SEMA5B: variants seen among roughly 807,000 people sequenced by gnomAD.
SEMA5B encodes the protein semaphorin 5B, also known as semaphorin-5B.
Under a neutral mutation model 135.0 loss-of-function variants are expected in SEMA5B, and 66 were observed. The observed-to-expected ratio is 0.49, with a 90% confidence interval of 0.40 to 0.60. The LOEUF is 0.60. Among genes scored for constraint, SEMA5B ranks in the 20% least tolerant of loss-of-function variants. The probability of loss-of-function intolerance (pLI) is 0.00; values close to 1 mark genes in which losing one functional copy is unlikely to be tolerated. For missense variants in SEMA5B, 1,501 were observed against 1,566.3 expected (o/e 0.96, Z 0.70); for synonymous variants, 690 against 639.5 (o/e 1.08, Z -1.19).
rs746670668 is a variant in SEMA5B at position 122,975,972 on chromosome 3, A to G, written c.-38-14671T>C. On this transcript the variant is annotated intron_variant, in intron 1 of 22. Transcript: ENST00000357599. ...CCTCCTCAACACATCCCAAATCTAGAAACTCTTCATGTCATGCACTTGCCC... is the reference window on the plus strand; with the variant it reads ...CCTCCTCAACACATCCCAAATCTAGGAACTCTTCATGTCATGCACTTGCCC... The G allele has an allele frequency of 1.4e-5, 21 of 1,532,004 alleles. No homozygotes were observed. In the African/African-American group the frequency reaches 2.8e-4, roughly 21 times the overall value. 94.9% of individuals were successfully genotyped at this position (1,532,004 alleles called of 1,614,324 possible). A position where few individuals can be genotyped will look rare whatever the true frequency, so the allele number is the denominator to read the frequency against.
At chr3:123,024,889 T>C (rs994002018) in intron 1 of SEMA5B, among the ~76,000 whole-genome samples, 3 of 152,220 alleles carry the variant, frequency 2.0e-5, no homozygotes, top group African/African-American at 7.2e-5. Context: ...CAATTGTCCA[T>C]AAGCTGGGCC....
chr3:122,975,939 C>T, intron 1 of SEMA5B: 1 of 1,527,670 alleles, frequency 6.5e-7, no homozygotes, highest in African/African-American at 1.4e-5. Context: ...CATTCCCCCT[C>T]CATCCAACCT....
chr3:122,958,791 C>T (rs1041455672), intron 2 of SEMA5B, among the ~76,000 whole-genome samples: 18 of 152,210 alleles, frequency 1.2e-4, no homozygotes, highest in African/African-American at 4.3e-4. Flanking sequence ...CTCTCCTACC[C>T]CCACCCCCTT....
At chr3:122,917,823 C>A (rs779124720) in intron 12 of SEMA5B, among the ~76,000 whole-genome samples, 5 of 145,558 alleles carry the variant, frequency 3.4e-5, no homozygotes, top group Non-Finnish European at 7.4e-5. Context: ...TCATATTTTC[C>A]TCTGGGATCA....
At chr3:123,013,693 C>T (rs1302636670) in intron 1 of SEMA5B, among the ~76,000 whole-genome samples, 1 of 152,240 alleles carries the variant, frequency 6.6e-6, no homozygotes, top group Non-Finnish European at 1.5e-5. Context: ...AGCTCTCTTC[C>T]CTGCTCCCAA....
chr3:122,911,270 G>C (rs377592257), intron 21 of SEMA5B: 14 of 1,352,318 alleles, frequency 1.0e-5, no homozygotes, highest in South Asian at 1.4e-5. Context: ...AGAGGGTCTA[G>C]AGTCAGATGA....
At chr3:122,981,496 A>G (rs1407102234) in intron 1 of SEMA5B, among the ~76,000 whole-genome samples, 1 of 152,236 alleles carries the variant, frequency 6.6e-6, no homozygotes, top group African/African-American at 2.4e-5. Flanking sequence ...CCCTGAGAGC[A>G]TGTCTGGCCT....
chr3:122,975,803 G>C (rs952401354), intron 1 of SEMA5B, among the ~76,000 whole-genome samples: 1 of 151,830 alleles, frequency 6.6e-6, no homozygotes, highest in Non-Finnish European at 1.5e-5. Flanking sequence ...GCAATGATTT[G>C]GTCACATTAC....
At chr3:122,949,141 T>C (rs1180477836) in intron 2 of SEMA5B, among the ~76,000 whole-genome samples, 1 of 152,150 alleles carries the variant, frequency 6.6e-6, no homozygotes, top group African/African-American at 2.4e-5. Context: ...ATAAAAATAC[T>C]AGAAGAAAAT....
chr3:123,006,942 C>T (rs984302537), intron 1 of SEMA5B, among the ~76,000 whole-genome samples: 1 of 152,170 alleles, frequency 6.6e-6, no homozygotes, highest in African/African-American at 2.4e-5. Context: ...ATATTCCAGC[C>T]TCTCTTTGCA....
At chr3:122,983,680 T>C (rs774403105) in intron 1 of SEMA5B, among the ~76,000 whole-genome samples, 1 of 116,374 alleles carries the variant, frequency 8.6e-6, no homozygotes, top group Non-Finnish European at 1.6e-5. Context: ...ATCACGCCAC[T>C]GCACTCCAGC....
chr3:123,007,687 C>A (rs553682240), intron 1 of SEMA5B, among the ~76,000 whole-genome samples: 2 of 152,304 alleles, frequency 1.3e-5, no homozygotes, highest in African/African-American at 4.8e-5. Context: ...GTACCCTGCA[C>A]CACCTTGGGA....
At chr3:122,997,262 T>C (rs1407328250) in intron 1 of SEMA5B, among the ~76,000 whole-genome samples, 1 of 152,092 alleles carries the variant, frequency 6.6e-6, no homozygotes, top group African/African-American at 2.4e-5. Context: ...CGAACACCTG[T>C]GTTCTGCTCT....
In SEMA5B at chr3:122,913,604, T is replaced by C. The variant is rs753316028; in HGVS notation, c.2210A>G (p.Asn737Ser). 2.5e-6 allele frequency: 4 copies of C among 1,613,288 alleles called. No homozygotes were observed. The African/African-American group carries it at 4.0e-5, about 16-fold the overall frequency. ...CCGCGACTGCATGCCCCCTCCACAG[T>C]TGCTGCTGCACTTGCTCCAGGAGCC... The part of the protein sequence containing the change: ...SWGSWSKCSS[N>S]CGGGMQSRRR... The change falls in exon 16 of 23, where the codon AAC (asparagine) becomes AGC (serine). Residue 737 changes from asparagine to serine, a missense_variant. Asn to Ser is a conservative substitution (Grantham distance 46). Coordinates refer to ENST00000357599, the MANE Select transcript of SEMA5B (RefSeq NM_001031702.4).
chr3:122,985,822 T>C (rs535669528), intron 1 of SEMA5B, among the ~76,000 whole-genome samples: 45 of 152,200 alleles, frequency 3.0e-4, no homozygotes, highest in African/African-American at 1.1e-3. Flanking sequence ...CTACTACATG[T>C]GAAAAGAAAT....
intron 1 of SEMA5B, among the ~76,000 whole-genome samples, chr3:123,014,994 G>T (rs77219634): frequency 6.6e-6 from 1 of 152,182 alleles, no homozygotes; most frequent in South Asian, 2.1e-4. Flanking sequence ...TGACACACAC[G>T]CACACAGGGA....
intron 9 of SEMA5B, among the ~76,000 whole-genome samples, chr3:122,924,155 T>G (rs34327776): frequency 0.11 from 16,816 of 152,196 alleles, 962 homozygotes; most frequent in Middle Eastern, 0.16. Flanking sequence ...ACTCTGATAT[T>G]TTATTCCATT....
intron 2 of SEMA5B, 87 bp from the exon 3 acceptor site, chr3:122,948,796 A>G (rs1939920691): frequency 1.9e-6 from 2 of 1,045,472 alleles, no homozygotes; most frequent in Non-Finnish European, 2.7e-6. Context: ...GTGCCCCCAC[A>G]GGATTTGAAA....
At chr3:122,914,025 G>T in intron 14 of SEMA5B, 24 bp from the exon 15 acceptor site, 1 of 1,555,790 alleles carries the variant, frequency 6.4e-7, no homozygotes, top group Non-Finnish European at 8.7e-7. Context: ...AGGGGACAGA[G>T]ACAGATGCCC....
Sources: gnomAD v4.1 joint callset for allele counts (sites outside exome capture counted in the v4.1 genomes callset) on GRCh38, gnomAD v4.1.1 for gene constraint, MANE v1.5 for transcripts, NCBI Gene and HGNC (gene_info 2026-07-23, HGNC 2026-07-21) for gene names.